The following KIRREL3 variants were observed in gnomAD, a reference collection of about 807,000 sequenced individuals.
KIRREL3 encodes kin of IRRE-like protein 3.
Under a neutral mutation model 89.7 loss-of-function variants are expected in KIRREL3, and 36 were observed. The observed-to-expected ratio is 0.40, with a 90% CI of 0.31 to 0.53. The LOEUF is 0.53. Ranked by LOEUF, KIRREL3 falls within the 20% of genes least tolerant of loss-of-function variation. KIRREL3 has a pLI of 0.49. For synonymous variants in KIRREL3, 445 were observed against 441.4 expected (o/e 1.01, Z -0.10); for missense variants, 864 against 1,056.6 (o/e 0.82, Z 2.53).
intron 1 of KIRREL3, among the ~76,000 whole-genome samples, chr11:126,716,309 C>T (rs1017895325): frequency 2.6e-5 from 4 of 152,158 alleles, no homozygotes; most frequent in Non-Finnish European, 5.9e-5. Context: ...TGCTAGGTGT[C>T]ACGCATTGAG....
At chr11:126,556,035 C>T (rs532246831) in intron 2 of KIRREL3, among the ~76,000 whole-genome samples, 2 of 152,352 alleles carry the variant, frequency 1.3e-5, no homozygotes, top group Admixed American at 6.5e-5. Context: ...AGCCACCGTG[C>T]CCGGCCTTCA....
chr11:126,809,757 G>T (rs1414607644), intron 1 of KIRREL3, among the ~76,000 whole-genome samples: 3 of 152,056 alleles, frequency 2.0e-5, no homozygotes, highest in Non-Finnish European at 2.9e-5. Flanking sequence ...GAAGAGATTT[G>T]CCCTCTCCAA....
chr11:126,717,992 A>AT (rs1397464497), intron 1 of KIRREL3, among the ~76,000 whole-genome samples: 29 of 152,144 alleles, frequency 1.9e-4, no homozygotes, highest in African/African-American at 6.0e-4. Context: ...AGAACTCTAC[A>AT]TTTTTTCATT....
At chr11:126,449,217 C>A (rs1052810151) in intron 7 of KIRREL3, 60 bp from the exon 8 acceptor site, 34 of 1,581,852 alleles carry the variant, frequency 2.1e-5, no homozygotes, top group Middle Eastern at 4.0e-4. Context: ...CCTCCGGGAG[C>A]TGGACACATC....
rs1948261071 is a variant in KIRREL3 at position 126,723,519 on chromosome 11, C to T, written c.56-160607G>A. Among the ~76,000 whole-genome samples the T allele has an allele frequency of 6.6e-6, 1 of 152,226 alleles. No individual in the cohort carries two copies. The highest frequency in any genetic ancestry group is 1.5e-5 in the Non-Finnish European group (1 of 68,042). On this transcript the variant is annotated intron_variant, in intron 1 of 16. Coordinates refer to ENST00000525144, the MANE Select transcript of KIRREL3 (RefSeq NM_032531.4). This position sits in a 1 kb window ranked among gnomAD's most constrained non-coding sequence, Gnocchi z 4.0. ...AGCTGGTGCCAACATTTACCTCACA[C>T]CTCCCTTAGTAGGCAAGAAAGCATT...
intron 1 of KIRREL3, among the ~76,000 whole-genome samples, chr11:126,806,053 C>T (rs887004988): frequency 1.3e-5 from 2 of 152,194 alleles, no homozygotes; most frequent in Admixed American, 1.3e-4. Flanking sequence ...AGTCACCAGC[C>T]TGGCAGTTGT....
chr11:126,662,962 A>T (rs1591908127), intron 1 of KIRREL3, among the ~76,000 whole-genome samples: 2 of 92,018 alleles, frequency 2.2e-5, no homozygotes, highest in Admixed American at 1.7e-4. Flanking sequence ...ATGTATTTCT[A>T]CTCAGAACTG....
rs1480411067 is a variant in KIRREL3, at chr11:126,451,160, CGTGTGAATGTGTACAT to C, written c.849-2019_849-2004del. Among the ~76,000 whole-genome samples the C allele has an allele frequency of 9.3e-5, 11 of 118,912 alleles. No individual in the cohort carries two copies. The South Asian group carries it at 1.4e-3, about 15-fold the overall frequency. The allele number at this position is 118,912 out of a possible 152,430, so 78.0% of individuals were successfully genotyped here. On this transcript the variant is annotated intron_variant, in intron 7 of 16. Transcript: ENST00000525144. ...GTGTGTGCATGTGTAAATGTGGGCA[CGTGTGAATGTGTACAT>C]GTGTGAATGTGGCCGTGTGTGTGCA...
At chr11:126,951,324 G>T (rs1948767831) in intron 1 of KIRREL3, among the ~76,000 whole-genome samples, 1 of 152,188 alleles carries the variant, frequency 6.6e-6, no homozygotes, top group Admixed American at 6.5e-5. Flanking sequence ...TTTGATAATG[G>T]ACTCTCATAT....
At chr11:126,858,002 G>A (rs1944586260) in intron 1 of KIRREL3, among the ~76,000 whole-genome samples, 1 of 152,062 alleles carries the variant, frequency 6.6e-6, no homozygotes, top group Non-Finnish European at 1.5e-5. Flanking sequence ...AGAAGTAATG[G>A]GCTTACCACT....
chr11:126,691,937 C>T (rs1946892336), intron 1 of KIRREL3, among the ~76,000 whole-genome samples: 1 of 152,202 alleles, frequency 6.6e-6, no homozygotes, highest in South Asian at 2.1e-4. Flanking sequence ...CACTAATCAT[C>T]AGAGATTTGC....
In KIRREL3 at chr11:126,704,186, T is replaced by G. The variant is rs954771896; in HGVS notation, c.56-141274A>C. Among the ~76,000 whole-genome samples the G allele has an allele frequency of 1.4e-4, 21 of 152,352 alleles. No individual in the cohort carries two copies. The highest frequency in any genetic ancestry group is 3.9e-4 in the Admixed American group (6 of 15,302). On this transcript the variant is annotated intron_variant, in intron 1 of 16. Coordinates refer to ENST00000525144, the MANE Select transcript of KIRREL3 (RefSeq NM_032531.4). The surrounding 1 kb of genome is among the most constrained non-coding windows in gnomAD (Gnocchi z 4.2). ...TTGCACACACCCACACATTTGCACA[T>G]GCCCATCCAGCTGAGCAACATGTAT...
At chr11:126,980,673 AAT>A (rs1389360447) in intron 1 of KIRREL3, among the ~76,000 whole-genome samples, 1 of 152,170 alleles carries the variant, frequency 6.6e-6, no homozygotes, top group Non-Finnish European at 1.5e-5. Context: ...CAAGAGAACT[AAT>A]TGGTTATGGG....
chr11:126,861,190 C>G (rs1944692660), intron 1 of KIRREL3, among the ~76,000 whole-genome samples: 1 of 152,140 alleles, frequency 6.6e-6, no homozygotes, highest in South Asian at 2.1e-4. Context: ...GTCATCATTT[C>G]TGGGAATGTA....
chr11:126,663,888 C>T (rs917651259), intron 1 of KIRREL3, among the ~76,000 whole-genome samples: 3 of 152,212 alleles, frequency 2.0e-5, no homozygotes, highest in African/African-American at 7.2e-5. Context: ...TGCCACAGGG[C>T]CTGCTCTGAC....
chr11:126,958,766 A>G (rs1484783786), intron 1 of KIRREL3, among the ~76,000 whole-genome samples: 1 of 152,170 alleles, frequency 6.6e-6, no homozygotes, highest in Non-Finnish European at 1.5e-5. Context: ...TATAAATTAG[A>G]GCATTTCTCC....
chr11:126,957,904 G>A (rs534723888), intron 1 of KIRREL3, among the ~76,000 whole-genome samples: 65 of 152,310 alleles, frequency 4.3e-4, no homozygotes, highest in African/African-American at 1.5e-3. Flanking sequence ...AAAATGGTCA[G>A]GGTGCCATCT....
chr11:126,440,947 T>G, intron 10 of KIRREL3: 1 of 227,664 alleles, frequency 4.4e-6, no homozygotes, highest in South Asian at 5.7e-5. Flanking sequence ...GGTGTCTAGA[T>G]GAAGGAAGAC....
At chr11:126,446,966 C>T in intron 8 of KIRREL3, 80 bp from the exon 9 acceptor site, 2 of 1,523,312 alleles carry the variant, frequency 1.3e-6, no homozygotes, top group Non-Finnish European at 1.8e-6. Flanking sequence ...TCCTTTTCCC[C>T]CTAGACCTTG....
Sources: gnomAD v4.1 joint callset for allele counts (sites outside exome capture counted in the v4.1 genomes callset) on GRCh38, gnomAD v4.1.1 for gene constraint, Gnocchi (gnomAD v3.1) non-coding constraint, MANE v1.5 for transcripts, NCBI Gene and HGNC (gene_info 2026-07-23, HGNC 2026-07-21) for gene names.